Variants in TRANK1 observed in about 807,000 individuals in gnomAD.
The protein encoded by TRANK1 is tetratricopeptide repeat and ankyrin repeat containing 1.
Under a neutral mutation model 266.0 loss-of-function variants are expected in TRANK1, and 198 were observed. The ratio of observed to expected loss-of-function variants is 0.74; its 90% CI spans 0.66 to 0.84. The LOEUF is 0.84. Ranked by LOEUF, TRANK1 falls within the 40% of genes least tolerant of loss-of-function variation. TRANK1 has a pLI of 0.00. For missense variants in TRANK1, 3,326 were observed against 3,634.6 expected (o/e 0.92, Z 2.18); for synonymous variants, 1,396 against 1,384.1 (o/e 1.01, Z -0.19).
At chr3:36,909,445 A>C (rs1237127270) in intron 1 of TRANK1, among the ~76,000 whole-genome samples, 4 of 152,166 alleles carry the variant, frequency 2.6e-5, no homozygotes, top group African/African-American at 9.7e-5. Context: ...GCTGCCAAGG[A>C]GACAGGGAAA....
chr3:36,918,048 A>T (rs1284134519), intron 1 of TRANK1, among the ~76,000 whole-genome samples: 1 of 152,208 alleles, frequency 6.6e-6, no homozygotes, highest in Non-Finnish European at 1.5e-5. Flanking sequence ...TGGCATATAC[A>T]TACAGTGGAG....
At chr3:36,890,035 A>G in intron 7 of TRANK1, 75 bp from the exon 8 acceptor site, 2 of 1,499,972 alleles carry the variant, frequency 1.3e-6, no homozygotes, top group South Asian at 2.5e-5. Flanking sequence ...TGCAGAAGCA[A>G]TAGATTAAAA....
chr3:36,872,982 G>C (rs1279696166), intron 9 of TRANK1, among the ~76,000 whole-genome samples: 1 of 152,204 alleles, frequency 6.6e-6, no homozygotes, highest in Non-Finnish European at 1.5e-5. Flanking sequence ...ATGGGAGCTA[G>C]AAGATAATGA....
At chr3:36,874,363 C>T in intron 8 of TRANK1, 67 bp from the exon 9 acceptor site, 1 of 1,484,194 alleles carries the variant, frequency 6.7e-7, no homozygotes, top group South Asian at 1.3e-5. Context: ...CCCATGAGTG[C>T]TCTTCTTCTC....
intron 20 of TRANK1, among the ~76,000 whole-genome samples, chr3:36,835,318 C>CAAAAAAAAAAA (rs33954737): frequency 1.5e-5 from 1 of 67,844 alleles, no homozygotes; most frequent in African/African-American, 5.5e-5. Flanking sequence ...GACTCCGTCT[C>CAAAAAAAAAAA]AAAAAAAAAA....
At chr3:36,881,016 T>C (rs1431487679) in intron 8 of TRANK1, among the ~76,000 whole-genome samples, 1 of 151,538 alleles carries the variant, frequency 6.6e-6, no homozygotes, top group Non-Finnish European at 1.5e-5. Context: ...GTCTGTGGCA[T>C]CTACAACCCT....
rs1416115864 is a variant in TRANK1, at chr3:36,842,747, G to A, written c.5192-37C>T. On this transcript the variant is annotated intron_variant, in intron 17 of 23. Coordinates refer to ENST00000645898, the MANE Select transcript of TRANK1 (RefSeq NM_001329998.2). Reference sequence around the variant, plus strand: ...AAGAAAAGTGTGTTTGCTTCTCTGGGCTTTCTTTCACTTAAAACTGTTGTT... The same window carrying A: ...AAGAAAAGTGTGTTTGCTTCTCTGGACTTTCTTTCACTTAAAACTGTTGTT... 7 of 1,576,038 alleles carry A rather than the reference G, an allele frequency of 4.4e-6. No individual in the cohort carries two copies. The African/African-American group carries it at 8.1e-5, about 18-fold the overall frequency.
intron 1 of TRANK1, among the ~76,000 whole-genome samples, chr3:36,920,487 A>C (rs761245203): frequency 1.4e-4 from 21 of 152,170 alleles, no homozygotes; most frequent in Non-Finnish European, 2.5e-4. Flanking sequence ...GTAGGGCACA[A>C]TTCTGGCCCC....
At chr3:36,829,708 G>C in intron 22 of TRANK1, 46 bp from the exon 23 acceptor site, 2 of 1,590,584 alleles carry the variant, frequency 1.3e-6, no homozygotes, top group Non-Finnish European at 1.7e-6. Context: ...TGCCATTGCA[G>C]GAACTAGAAC....
At chr3:36,865,008 T>G (rs1369010390) in intron 9 of TRANK1, among the ~76,000 whole-genome samples, 2 of 146,152 alleles carry the variant, frequency 1.4e-5, no homozygotes, top group Admixed American at 7.1e-5. Context: ...TTTTTGGGGG[T>G]TTTTTTGTTT....
chr3:36,840,918 G>T (rs1051479948), intron 18 of TRANK1, among the ~76,000 whole-genome samples: 1 of 152,224 alleles, frequency 6.6e-6, no homozygotes, highest in African/African-American at 2.4e-5. Context: ...TATGTTTCAG[G>T]ATTGTTATGC....
At chr3:36,934,336 G>A (rs1198438876) in intron 1 of TRANK1, among the ~76,000 whole-genome samples, 1 of 152,176 alleles carries the variant, frequency 6.6e-6, no homozygotes. Context: ...GCAGAAAGCG[G>A]GGCTCCTACA....
At chr3:36,840,543 C>T (rs116031998) in intron 18 of TRANK1, among the ~76,000 whole-genome samples, 2,023 of 152,304 alleles carry the variant, frequency 0.013, 43 homozygotes, top group African/African-American at 0.044. Context: ...TTTACCCTCC[C>T]GTCCAATCTA....
chr3:36,896,704 G>T (rs755638566), intron 4 of TRANK1, among the ~76,000 whole-genome samples: 4 of 152,158 alleles, frequency 2.6e-5, no homozygotes, highest in Non-Finnish European at 5.9e-5. Flanking sequence ...ACATTTAAAA[G>T]ATGCAGAGGG....
chr3:36,852,775 T>TAA (rs761417309), intron 13 of TRANK1, among the ~76,000 whole-genome samples: 94 of 120,206 alleles, frequency 7.8e-4, no homozygotes, highest in Middle Eastern at 9.3e-3. Context: ...CCATCTCAAT[T>TAA]AAAAAAAAAA....
chr3:36,912,351 CT>C (rs1263441346), intron 1 of TRANK1, among the ~76,000 whole-genome samples: 1 of 152,176 alleles, frequency 6.6e-6, no homozygotes, highest in Non-Finnish European at 1.5e-5. Flanking sequence ...AAGAGCCAAA[CT>C]ACACTCTGAA....
chr3:36,857,319 C>A lies in TRANK1; in HGVS notation c.2403G>T (p.Val801=). 1 of 1,608,588 alleles carries A rather than the reference C, an allele frequency of 6.2e-7. No individual in the cohort carries two copies. Residue 801 remains valine (V), a synonymous_variant, in exon 13 of 24, where the codon GTG becomes GTT. Transcript: ENST00000645898. The surrounding 1 kb of genome is among the most constrained non-coding windows in gnomAD (Gnocchi z 4.3). ...AQVGLGALQL[V]PDDNRGKEGN... ...CCTCCTTCCCCCTGTTATCATCAGG[C>A]ACAAGCTGCAAGGCCCCAAGGCCCA...
chr3:36,878,577 C>A (rs2079424057), intron 8 of TRANK1, among the ~76,000 whole-genome samples: 1 of 151,886 alleles, frequency 6.6e-6, no homozygotes, highest in African/African-American at 2.4e-5. Context: ...ACTTGGACAC[C>A]AGGAGGGAAA....
chr3:36,945,135 T>C, upstream of TRANK1: 1 of 344,842 alleles, frequency 2.9e-6, no homozygotes, highest in Non-Finnish European at 5.2e-6. Flanking sequence ...TGTCATCGCG[T>C]TCAAAAGGGG....
Sources: allele counts gnomAD v4.1 joint callset (sites outside exome capture counted in the v4.1 genomes callset), GRCh38; gene constraint gnomAD v4.1.1; non-coding constraint Gnocchi (gnomAD v3.1); transcripts MANE v1.5; gene names NCBI Gene and HGNC (gene_info 2026-07-23, HGNC 2026-07-21).